The following XKR4 variants were observed in gnomAD, a reference collection of about 807,000 sequenced individuals.
XKR4 encodes the protein XK-related protein 4.
In XKR4, 12 loss-of-function variants were observed where a neutral mutation model predicts 53.9. That is an observed-to-expected ratio of 0.22 (90% CI 0.14 to 0.36). The LOEUF (loss-of-function observed/expected upper bound fraction) is 0.36, where lower values mean the gene tolerates loss of function less well. Among genes scored for constraint, XKR4 ranks in the 10% least tolerant of loss-of-function variants. The pLI, the probability that XKR4 is intolerant of heterozygous loss-of-function variation, is 1.00. For synonymous variants in XKR4, 354 were observed against 362.4 expected, an observed-to-expected ratio of 0.98 and a Z score of 0.26; for missense variants, 799 against 859.5, an observed-to-expected ratio of 0.93 and a Z score of 0.88.
chr8:55,133,026 A>G (rs537969531), intron 1 of XKR4, among the ~76,000 whole-genome samples: 4 of 152,192 alleles, frequency 2.6e-5, no homozygotes, highest in Non-Finnish European at 5.9e-5. Context: ...TCCTTGAAAG[A>G]TGACTGAGGT....
chr8:55,166,946 A>C (rs981943059), intron 1 of XKR4, among the ~76,000 whole-genome samples: 2 of 152,228 alleles, frequency 1.3e-5, no homozygotes, highest in African/African-American at 2.4e-5. Context: ...CATTTGGGCT[A>C]AGTGTTGAGA....
At chr8:55,323,835 C>G (rs1585520989) in intron 1 of XKR4, among the ~76,000 whole-genome samples, 1 of 152,230 alleles carries the variant, frequency 6.6e-6, no homozygotes, top group African/African-American at 2.4e-5. Context: ...TTCTATTGAT[C>G]TGTCTTCAAG....
intron 2 of XKR4, among the ~76,000 whole-genome samples, chr8:55,418,180 G>A (rs1278788161): frequency 2.0e-5 from 3 of 152,130 alleles, no homozygotes; most frequent in South Asian, 2.1e-4. Flanking sequence ...TCTACACCTC[G>A]AGTGGCCATT....
chr8:55,190,312 A>G (rs1817429672), intron 1 of XKR4, among the ~76,000 whole-genome samples: 1 of 152,228 alleles, frequency 6.6e-6, no homozygotes, highest in African/African-American at 2.4e-5. Context: ...GGCTTCAGTG[A>G]CTTATAGTAA....
intron 1 of XKR4, among the ~76,000 whole-genome samples, chr8:55,269,324 A>C (rs903177105): frequency 3.3e-5 from 5 of 151,892 alleles, no homozygotes; most frequent in Admixed American, 2.0e-4. Context: ...GTGGAATAAG[A>C]GAGTTGATAC....
At chr8:55,167,773 C>T (rs1339304755) in intron 1 of XKR4, among the ~76,000 whole-genome samples, 1 of 152,022 alleles carries the variant, frequency 6.6e-6, no homozygotes, top group Non-Finnish European at 1.5e-5. Flanking sequence ...AGGTAATGAA[C>T]ACTGATTGAA....
intron 2 of XKR4, among the ~76,000 whole-genome samples, chr8:55,404,460 C>T (rs1804656542): frequency 6.6e-6 from 1 of 152,208 alleles, no homozygotes; most frequent in African/African-American, 2.4e-5. Flanking sequence ...TTGAACTCCA[C>T]TTCTGCCTTG....
intron 2 of XKR4, among the ~76,000 whole-genome samples, chr8:55,513,527 G>T (rs749408035): frequency 3.3e-5 from 5 of 152,228 alleles, no homozygotes; most frequent in Non-Finnish European, 5.9e-5. Flanking sequence ...GCAAGTGCTT[G>T]CCTGCTGTCC....
rs1440012387 is a variant in XKR4 at position 55,539,894 on chromosome 8, G to A, written c.*15667G>A. ...GGATGGGAGGAAAATAGTGGGGCGA[G>A]TATGTCATGGGGAGATTTTGCCACA... On this transcript the variant is annotated 3_prime_UTR_variant, in exon 3 of 3. Coordinates refer to ENST00000327381, the MANE Select transcript of XKR4 (RefSeq NM_052898.2). The A allele has an allele frequency of 1.3e-5, 2 of 152,220 alleles. No individual in the cohort carries two copies. Among genetic ancestry groups the A allele is most frequent in the African/African-American group, 2.4e-5 (1 of 41,440 alleles). 9.4% of individuals were successfully genotyped at this position (152,220 alleles called of 1,614,324 possible). A position where few individuals can be genotyped will look rare whatever the true frequency, so the allele number is the denominator to read the frequency against.
intron 1 of XKR4, among the ~76,000 whole-genome samples, chr8:55,143,559 A>G (rs1585901858): frequency 6.6e-6 from 1 of 152,198 alleles, no homozygotes; most frequent in East Asian, 1.9e-4. Context: ...TTCTACTTCT[A>G]GAAGAAAAGG....
intron 2 of XKR4, among the ~76,000 whole-genome samples, chr8:55,406,962 T>C (rs946332684): frequency 6.6e-6 from 1 of 152,094 alleles, no homozygotes; most frequent in East Asian, 1.9e-4. Flanking sequence ...CTTATAGGGG[T>C]TCTTAGTAGA....
intron 2 of XKR4, among the ~76,000 whole-genome samples, chr8:55,504,949 TC>T (rs1806501589): frequency 6.6e-6 from 1 of 152,080 alleles, no homozygotes. Context: ...TCTTTTTTTT[TC>T]TTAATCTAGC....
At chr8:55,170,723 T>C (rs1331882715) in intron 1 of XKR4, among the ~76,000 whole-genome samples, 1 of 152,222 alleles carries the variant, frequency 6.6e-6, no homozygotes, top group African/African-American at 2.4e-5. Context: ...GCATAACGAC[T>C]GTCATGATGG....
At chr8:55,426,247 C>T (rs764691485) in intron 2 of XKR4, among the ~76,000 whole-genome samples, 62 of 152,206 alleles carry the variant, frequency 4.1e-4, no homozygotes, top group Non-Finnish European at 1.9e-4. Context: ...TTTAGTGATG[C>T]TAGCTCAATT....
chr8:55,441,620 T>G (rs999738771), intron 2 of XKR4, among the ~76,000 whole-genome samples: 1 of 152,178 alleles, frequency 6.6e-6, no homozygotes, highest in Non-Finnish European at 1.5e-5. Context: ...AAACCAAGTC[T>G]CAATATATTT....
At chr8:55,323,670 G>C (rs1233522066) in intron 1 of XKR4, among the ~76,000 whole-genome samples, 1 of 152,208 alleles carries the variant, frequency 6.6e-6, no homozygotes, top group Admixed American at 6.5e-5. Context: ...GTGCAGGTTT[G>C]TATATAATTC....
At chr8:55,368,432 C>T (rs1480345376) in intron 2 of XKR4, among the ~76,000 whole-genome samples, 1 of 152,206 alleles carries the variant, frequency 6.6e-6, no homozygotes, top group African/African-American at 2.4e-5. Flanking sequence ...GCTGGCCGTC[C>T]TCTGTCTCTG....
intron 2 of XKR4, among the ~76,000 whole-genome samples, chr8:55,385,707 T>TA (rs1804299569): frequency 1.3e-5 from 2 of 152,212 alleles, no homozygotes; most frequent in African/African-American, 4.8e-5. Context: ...TATATTTGTT[T>TA]TAAAAAATTG....
intron 1 of XKR4, among the ~76,000 whole-genome samples, chr8:55,106,539 A>G (rs1816152496): frequency 6.6e-6 from 1 of 152,180 alleles, no homozygotes; most frequent in African/African-American, 2.4e-5. Context: ...ATATGATTCC[A>G]GAAATTACTA....
Sources: allele counts gnomAD v4.1 joint callset (sites outside exome capture counted in the v4.1 genomes callset), GRCh38; gene constraint gnomAD v4.1.1; transcripts MANE v1.5; gene names NCBI Gene and HGNC (gene_info 2026-07-23, HGNC 2026-07-21).